The following DLG2 variants were observed in gnomAD, a reference collection of about 807,000 sequenced individuals.
The protein encoded by DLG2 is disks large homolog 2.
DLG2 carries 45 observed loss-of-function variants against 132.5 expected under a neutral mutation model. The observed-to-expected ratio is 0.34, with a 90% CI of 0.27 to 0.44. The LOEUF (loss-of-function observed/expected upper bound fraction) is 0.44, where lower values mean the gene tolerates loss of function less well. Ranked by LOEUF, DLG2 falls within the 20% of genes least tolerant of loss-of-function variation. DLG2 has a pLI of 1.00. For synonymous variants in DLG2, 424 were observed against 419.6 expected (o/e 1.01, Z -0.13); for missense variants, 1,045 against 1,196.9 (o/e 0.87, Z 1.87).
intron 24 of DLG2, among the ~76,000 whole-genome samples, chr11:83,471,421 T>C (rs1041579702): frequency 6.6e-6 from 1 of 152,156 alleles, no homozygotes; most frequent in Non-Finnish European, 1.5e-5. Context: ...AAAACATTAT[T>C]ATTTTTATTA....
intron 7 of DLG2, among the ~76,000 whole-genome samples, chr11:84,391,795 T>TAAA (rs200512404): frequency 7.1e-6 from 1 of 140,918 alleles, no homozygotes; most frequent in African/African-American, 2.6e-5. Flanking sequence ...CTGTTAATGT[T>TAAA]AAAAAAAAAA....
chr11:83,522,199 G>A (rs1264353189), intron 21 of DLG2, among the ~76,000 whole-genome samples: 2 of 152,080 alleles, frequency 1.3e-5, no homozygotes, highest in Non-Finnish European at 1.5e-5. Flanking sequence ...CTTTTCTTCG[G>A]ACCCTTTCTT....
chr11:84,416,988 CTGAT>C (rs1354351640), intron 7 of DLG2, among the ~76,000 whole-genome samples: 2 of 152,092 alleles, frequency 1.3e-5, no homozygotes, highest in Non-Finnish European at 2.9e-5. Flanking sequence ...TCGACGAATA[CTGAT>C]AAAGTAGCCA....
At chr11:83,617,134 T>C (rs1386310990) in intron 19 of DLG2, among the ~76,000 whole-genome samples, 2 of 152,214 alleles carry the variant, frequency 1.3e-5, no homozygotes, top group Admixed American at 1.3e-4. Flanking sequence ...TATATTTCCA[T>C]ATTAATATTA....
At chr11:85,250,914 C>T (rs994242287) in intron 4 of DLG2, among the ~76,000 whole-genome samples, 1 of 152,138 alleles carries the variant, frequency 6.6e-6, no homozygotes, top group African/African-American at 2.4e-5. Flanking sequence ...TTTATTCTGA[C>T]TTCTCCTCCA....
At chr11:85,016,255 T>C (rs965005798) in intron 6 of DLG2, among the ~76,000 whole-genome samples, 2 of 152,168 alleles carry the variant, frequency 1.3e-5, no homozygotes, top group Non-Finnish European at 2.9e-5. Context: ...TTACTCAGGA[T>C]AGCAATCTAT....
At chr11:84,805,322 C>T (rs973890023) in intron 6 of DLG2, among the ~76,000 whole-genome samples, 2 of 151,810 alleles carry the variant, frequency 1.3e-5, no homozygotes, top group Non-Finnish European at 2.9e-5. Context: ...TCTCCTGCCC[C>T]AAAATGTACA....
chr11:85,110,231 A>G (rs1040086599), intron 6 of DLG2, among the ~76,000 whole-genome samples: 6 of 151,994 alleles, frequency 3.9e-5, no homozygotes, highest in Non-Finnish European at 8.8e-5. Flanking sequence ...TCAACAGGGC[A>G]AAACCTCGTT....
At chr11:84,732,457 T>C (rs1331904997) in intron 6 of DLG2, among the ~76,000 whole-genome samples, 4 of 152,068 alleles carry the variant, frequency 2.6e-5, no homozygotes, top group Non-Finnish European at 5.9e-5. Flanking sequence ...CTGTAGCCAT[T>C]CTAATAGATG....
At chr11:84,027,961 C>T (rs1207160183) in intron 11 of DLG2, among the ~76,000 whole-genome samples, 1 of 151,756 alleles carries the variant, frequency 6.6e-6, no homozygotes, top group Non-Finnish European at 1.5e-5. Flanking sequence ...CAATAATCTA[C>T]CAGTGACAAC....
intron 20 of DLG2, among the ~76,000 whole-genome samples, chr11:83,534,406 C>A (rs1035607606): frequency 6.6e-6 from 1 of 152,146 alleles, no homozygotes; most frequent in Non-Finnish European, 1.5e-5. Context: ...AAAGAAAAAA[C>A]CCGAACCTAC....
intron 18 of DLG2, among the ~76,000 whole-genome samples, chr11:83,698,840 G>C (rs1303398028): frequency 6.6e-6 from 1 of 152,100 alleles, no homozygotes; most frequent in Admixed American, 6.5e-5. Context: ...GTAAAGTCAG[G>C]GTCTGCGGCC....
At chr11:85,500,158 C>T (rs1229404494) in intron 3 of DLG2, among the ~76,000 whole-genome samples, 1 of 152,106 alleles carries the variant, frequency 6.6e-6, no homozygotes, top group East Asian at 1.9e-4. Flanking sequence ...GTCAAATTGT[C>T]TCCCTTTGCA....
At chr11:85,307,834 T>G (rs2080053601) in intron 3 of DLG2, among the ~76,000 whole-genome samples, 1 of 152,194 alleles carries the variant, frequency 6.6e-6, no homozygotes, top group Non-Finnish European at 1.5e-5. Flanking sequence ...TACAATGTTT[T>G]TTGACAGTTA....
At chr11:84,390,307 T>C (rs560944825) in intron 7 of DLG2, among the ~76,000 whole-genome samples, 1 of 152,274 alleles carries the variant, frequency 6.6e-6, no homozygotes, top group African/African-American at 2.4e-5. Flanking sequence ...ATTTATTAAA[T>C]GTCAACTGCA....
At chr11:83,520,075 C>G (rs1004184248) in intron 21 of DLG2, among the ~76,000 whole-genome samples, 1 of 152,158 alleles carries the variant, frequency 6.6e-6, no homozygotes, top group African/African-American at 2.4e-5. Flanking sequence ...CAGGAAAAAC[C>G]ACCACATCAA....
At chr11:84,725,611 G>T (rs973111143) in intron 6 of DLG2, among the ~76,000 whole-genome samples, 1 of 152,070 alleles carries the variant, frequency 6.6e-6, no homozygotes, top group African/African-American at 2.4e-5. Flanking sequence ...CTTCCTAACA[G>T]TAACAAAGTA....
chr11:84,122,102 C>T (rs1044508101), intron 9 of DLG2, among the ~76,000 whole-genome samples: 8 of 151,600 alleles, frequency 5.3e-5, no homozygotes, highest in Non-Finnish European at 8.8e-5. Flanking sequence ...AGGCAGATCA[C>T]CTGAGGTTGG....
chr11:85,324,935 C>A (rs900048831), intron 3 of DLG2, among the ~76,000 whole-genome samples: 18 of 148,158 alleles, frequency 1.2e-4, no homozygotes, highest in African/African-American at 3.0e-4. Context: ...CGAGCCGAAG[C>A]AGGGCGAGGC....
Sources: allele counts gnomAD v4.1 joint callset (sites outside exome capture counted in the v4.1 genomes callset), GRCh38; gene constraint gnomAD v4.1.1; transcripts MANE v1.5; gene names NCBI Gene and HGNC (gene_info 2026-07-23, HGNC 2026-07-21).